Variants in INHBC observed in about 807,000 individuals in gnomAD.
INHBC encodes inhibin subunit beta C.
Under a neutral mutation model 12.4 loss-of-function variants are expected in INHBC, and 10 were observed. The ratio of observed to expected loss-of-function variants is 0.81; its 90% CI spans 0.50 to 1.37. The LOEUF is 1.37. Among genes scored for constraint, INHBC ranks in the 40% most tolerant of loss-of-function variants. The pLI is 0.00. For missense variants in INHBC, 382 were observed against 439.4 expected (o/e 0.87, Z 1.17); for synonymous variants, 147 against 171.6 (o/e 0.86, Z 1.12).
chr12:57,440,539 G>C (rs991849380), intron 1 of INHBC, among the ~76,000 whole-genome samples: 1 of 151,898 alleles, frequency 6.6e-6, no homozygotes, highest in African/African-American at 2.4e-5. Flanking sequence ...CAGCATGTTA[G>C]CTCGGATGGT....
At chr12:57,448,487 T>A (rs1870635864) in intron 1 of INHBC, among the ~76,000 whole-genome samples, 1 of 150,904 alleles carries the variant, frequency 6.6e-6, no homozygotes, top group Non-Finnish European at 1.5e-5. Flanking sequence ...AAGAATCACT[T>A]GAACCCAGGA....
Position 57,435,159 on chromosome 12 carries a change from CA to C in INHBC, c.274del (p.Arg92GlyfsTer57), listed in dbSNP as rs1870306203. The C allele has an allele frequency of 6.2e-7, 1 of 1,613,976 alleles. No individual in the cohort carries two copies. The highest frequency in any genetic ancestry group is 1.1e-5 in the South Asian group (1 of 91,084). On this transcript the variant is annotated frameshift_variant, in exon 1 of 2. Transcript: ENST00000309668. LOFTEE classifies it high-confidence loss of function. The part of the protein sequence containing the change: ...VPQGALLEDN[R>X]EQECEIISFA... Reference sequence around the variant, plus strand: ...CACAGGGGGCACTTCTAGAGGACAACAGGGAACAGGAATGTGAAATCATCAG... The same window carrying C: ...CACAGGGGGCACTTCTAGAGGACAACGGGAACAGGAATGTGAAATCATCAG...
intron 1 of INHBC, among the ~76,000 whole-genome samples, chr12:57,444,112 T>C (rs1870525075): frequency 6.6e-6 from 1 of 152,176 alleles, no homozygotes; most frequent in African/African-American, 2.4e-5. Flanking sequence ...AAGTGTTTAT[T>C]GAGTGCTTAC....
intron 1 of INHBC, among the ~76,000 whole-genome samples, chr12:57,444,810 T>A (rs1015453132): frequency 3.9e-5 from 6 of 152,046 alleles, no homozygotes; most frequent in Admixed American, 2.0e-4. Context: ...GGATTACAGA[T>A]GTGTTCCTCC....
At chr12:57,445,249 G>A (rs964093832) in intron 1 of INHBC, among the ~76,000 whole-genome samples, 5 of 152,146 alleles carry the variant, frequency 3.3e-5, no homozygotes, top group Non-Finnish European at 7.3e-5. Flanking sequence ...AAGAGCAAGG[G>A]GAAGACTTTG....
rs942874064 is a variant in INHBC at position 57,451,529 on chromosome 12, C to G, written c.*1507C>G. Among the ~76,000 whole-genome samples the G allele has an allele frequency of 1.3e-5, 2 of 152,182 alleles. No individual in the cohort carries two copies. Among genetic ancestry groups the G allele is most frequent in the Admixed American group, 6.5e-5 (1 of 15,282 alleles). The stretch of plus-strand genomic sequence containing the variant: ...CCCACATCTCCTCCCTTTGGCTGGA[C>G]AGTCCTGAACCATGAGGTCGATAAT... On this transcript the variant is annotated 3_prime_UTR_variant, in exon 2 of 2. Transcript: ENST00000309668.
At chr12:57,444,277 T>C (rs752939124) in intron 1 of INHBC, among the ~76,000 whole-genome samples, 1 of 151,858 alleles carries the variant, frequency 6.6e-6, no homozygotes, top group Non-Finnish European at 1.5e-5. Context: ...ACTTGGTGGC[T>C]CATGCCTGTA....
rs777877887 is a variant in INHBC, at chr12:57,449,813, A to G, written c.850A>G (p.Ile284Val). Residue 284 changes from isoleucine (I) to valine (V), a missense_variant, in exon 2 of 2, where the codon ATA becomes GTA. Ile to Val is a conservative substitution (Grantham distance 29). Transcript: ENST00000309668. ...NFCIGQCPLHIAGMPGIAASF... is the reference protein window; with the variant it reads ...NFCIGQCPLHVAGMPGIAASF... ...CTGCATAGGGCAGTGCCCACTACAC[A>G]TAGCAGGCATGCCTGGTATTGCTGC... The G allele has an allele frequency of 3.7e-6, 6 of 1,613,506 alleles. No individual in the cohort carries two copies. The highest frequency in any genetic ancestry group is 1.1e-5 in the South Asian group (1 of 91,036).
In INHBC at chr12:57,450,139, C is replaced by A; in HGVS notation, c.*117C>A. 8.8e-7 allele frequency: 1 copy of A among 1,134,478 alleles called. No individual in the cohort carries two copies. The highest frequency in any genetic ancestry group is 1.2e-6 in the Non-Finnish European group (1 of 843,438). 70.3% of individuals were successfully genotyped at this position (1,134,478 alleles called of 1,614,324 possible). On this transcript the variant is annotated 3_prime_UTR_variant, in exon 2 of 2. Coordinates refer to ENST00000309668, the MANE Select transcript of INHBC (RefSeq NM_005538.4). Reference sequence around the variant, plus strand: ...CTGTCCAGAATGTGGACTCCCTCTTCCTGAGCATCTTATGGAAATTACCCC... The same window carrying A: ...CTGTCCAGAATGTGGACTCCCTCTTACTGAGCATCTTATGGAAATTACCCC...
At position 57,450,066 on chromosome 12, in the gene INHBC, G is replaced by T; in HGVS notation, c.*44G>T. 1 of 1,471,594 alleles carries T rather than the reference G, an allele frequency of 6.8e-7. No individual in the cohort carries two copies. The highest frequency in any genetic ancestry group is 1.5e-5 in the South Asian group (1 of 65,652). The allele number at this position is 1,471,594 out of a possible 1,614,324, so 91.2% of individuals were successfully genotyped here. On this transcript the variant is annotated 3_prime_UTR_variant, in exon 2 of 2. Transcript: ENST00000309668. ...AGCCCAAGGTTGCATGGGAAAACACGCCCCTACAGAAGTGCACTTCCTTGA... is the reference window on the plus strand; with the variant it reads ...AGCCCAAGGTTGCATGGGAAAACACTCCCCTACAGAAGTGCACTTCCTTGA...
chr12:57,447,924 A>ATAC (rs1566551470), intron 1 of INHBC, among the ~76,000 whole-genome samples: 1 of 81,066 alleles, frequency 1.2e-5, no homozygotes. Flanking sequence ...TATATATATA[A>ATAC]AATATATGTG....
intron 1 of INHBC, among the ~76,000 whole-genome samples, chr12:57,443,950 G>A (rs957470062): frequency 1.3e-5 from 2 of 151,962 alleles, no homozygotes; most frequent in East Asian, 2.0e-4. Flanking sequence ...CACCACACTC[G>A]GCTAATTTTT....
Position 57,449,456 on chromosome 12 carries a change from G to A in INHBC, c.493G>A (p.Ala165Thr). Reference sequence around the variant, plus strand: ...TCCACATAATACCAACCTCACCTTGGCTACTCAGTACCTGCTGGAGGTGGA... The same window carrying A: ...TCCACATAATACCAACCTCACCTTGACTACTCAGTACCTGCTGGAGGTGGA... ...LGPHNTNLTL[A>T]TQYLLEVDAS... Residue 165 changes from alanine to threonine, a missense_variant, in exon 2 of 2, where the codon GCT becomes ACT. Coordinates refer to ENST00000309668, the MANE Select transcript of INHBC (RefSeq NM_005538.4). 6.2e-7 allele frequency: 1 copy of A among 1,614,162 alleles called. No individual in the cohort carries two copies. Among genetic ancestry groups the A allele is most frequent in the East Asian group, 2.2e-5 (1 of 44,878 alleles).
Position 57,449,306 on chromosome 12 carries a change from G to A in INHBC, c.343G>A (p.Asp115Asn). The A allele has an allele frequency of 6.2e-7, 1 of 1,614,088 alleles. No individual in the cohort carries two copies. Among genetic ancestry groups the A allele is most frequent in the South Asian group, 1.1e-5 (1 of 91,066 alleles). ...GLSTINQTRL[D>N]FHFSSDRTAG... The stretch of plus-strand genomic sequence containing the variant: ...CTCCACCATCAACCAGACTCGTCTT[G>A]ATTTTCACTTCTCCTCTGATAGAAC... Residue 115 changes from aspartate to asparagine, a missense_variant, in exon 2 of 2, where the codon GAT becomes AAT. Coordinates refer to ENST00000309668, the MANE Select transcript of INHBC (RefSeq NM_005538.4).
chr12:57,448,130 A>C (rs1373254066), intron 1 of INHBC, among the ~76,000 whole-genome samples: 1 of 151,532 alleles, frequency 6.6e-6, no homozygotes, highest in Non-Finnish European at 1.5e-5. Flanking sequence ...AATTGATTTT[A>C]ATGTGCTGCC....
chr12:57,446,456 C>CTTTATTTATTTA (rs57129298), intron 1 of INHBC, among the ~76,000 whole-genome samples: 9 of 130,358 alleles, frequency 6.9e-5, no homozygotes, highest in African/African-American at 2.3e-4. Flanking sequence ...GAGCTTAGGA[C>CTTTATTTATTTA]TTTATTTATT....
chr12:57,447,919 ATAT>A (rs1566551459), intron 1 of INHBC, among the ~76,000 whole-genome samples: 61 of 111,082 alleles, frequency 5.5e-4, no homozygotes, highest in African/African-American at 1.9e-3. Flanking sequence ...ATATATATAT[ATAT>A]AAAATATATG....
Position 57,434,957 on chromosome 12 carries a change from G to T in INHBC, c.71G>T (p.Gly24Val). 6 of 1,614,202 alleles carry T rather than the reference G, an allele frequency of 3.7e-6. No homozygotes were observed. Among genetic ancestry groups the T allele is most frequent in the Non-Finnish European group, 4.2e-6 (5 of 1,180,034 alleles). ...ACAGTGGCCACTCCCAGAGCTGGCG[G>T]TCAGTGTCCAGCATGTGGGGGGCCC... ...PTTVATPRAG[G>V]QCPACGGPTL... The change falls in exon 1 of 2, where the codon GGT becomes GTT. Residue 24 changes from glycine to valine, a missense_variant. Coordinates refer to ENST00000309668, the MANE Select transcript of INHBC (RefSeq NM_005538.4).
chr12:57,435,233 T>C (rs1340442017), intron 1 of INHBC, 34 bp downstream of exon 1: 1 of 1,570,842 alleles, frequency 6.4e-7, no homozygotes, highest in Non-Finnish European at 8.7e-7. Flanking sequence ...TCCCCAGAAC[T>C]TGACCCCTCA....
Sources: allele counts gnomAD v4.1 joint callset (sites outside exome capture counted in the v4.1 genomes callset), GRCh38; gene constraint gnomAD v4.1.1; transcripts MANE v1.5; gene names NCBI Gene and HGNC (gene_info 2026-07-23, HGNC 2026-07-21).